The following ARHGAP22 variants were observed in gnomAD, a reference collection of about 807,000 sequenced individuals.
ARHGAP22 encodes the protein Rho GTPase activating protein 22.
Under a neutral mutation model 59.1 loss-of-function variants are expected in ARHGAP22, and 48 were observed. The observed-to-expected ratio is 0.81, with a 90% CI of 0.64 to 1.03. ARHGAP22 has a LOEUF of 1.03. ARHGAP22 is among the 50% of genes least tolerant of loss of function. ARHGAP22 has a pLI of 0.00. For missense variants in ARHGAP22, 1,015 were observed against 958.7 expected, an observed-to-expected ratio of 1.06 and a Z score of -0.78; for synonymous variants, 445 against 416.4, an observed-to-expected ratio of 1.07 and a Z score of -0.84.
the ARHGAP22 span, chr10:48,437,099 GTATCATT>G: frequency 6.6e-6 from 1 of 152,190 alleles, no homozygotes; most frequent in East Asian, 1.9e-4. Flanking sequence ...GTGTGTGTCT[GTATCATT>G]TATTGTAAAT....
At chr10:48,439,655 T>C in the ARHGAP22 span, among the ~76,000 whole-genome samples, 2 of 152,164 alleles carry the variant, frequency 1.3e-5, no homozygotes, top group African/African-American at 4.8e-5. Flanking sequence ...CGTGACCACT[T>C]GGCAAAAATA....
intron 3 of ARHGAP22, among the ~76,000 whole-genome samples, chr10:48,482,240 A>G (rs984678435): frequency 1.4e-4 from 22 of 152,366 alleles, no homozygotes; most frequent in African/African-American, 4.8e-4. Context: ...TCACAGTTTT[A>G]GGATTTACAT....
chr10:48,523,289 A>G (rs932639995), intron 3 of ARHGAP22, among the ~76,000 whole-genome samples: 8 of 152,200 alleles, frequency 5.3e-5, no homozygotes, highest in African/African-American at 1.9e-4. Flanking sequence ...CATGCTTAAT[A>G]AGCGCGGCAG....
At chr10:48,465,544 C>T (rs1040484662) in intron 4 of ARHGAP22, among the ~76,000 whole-genome samples, 4 of 152,236 alleles carry the variant, frequency 2.6e-5, no homozygotes, top group African/African-American at 9.6e-5. Context: ...TTTCTCCGGA[C>T]CTTGCAGGGT....
At chr10:48,431,615 A>T in the ARHGAP22 span, among the ~76,000 whole-genome samples, 1 of 152,192 alleles carries the variant, frequency 6.6e-6, no homozygotes, top group South Asian at 2.1e-4. Context: ...GGATAAATAA[A>T]AGCTTCACTG....
intron 1 of ARHGAP22, among the ~76,000 whole-genome samples, chr10:48,616,432 A>G (rs972039249): frequency 2.0e-5 from 3 of 152,160 alleles, no homozygotes; most frequent in African/African-American, 7.2e-5. Context: ...AGAATATTTC[A>G]AGGAATAATG....
At chr10:48,567,567 C>T (rs2058125257) in intron 2 of ARHGAP22, among the ~76,000 whole-genome samples, 1 of 152,194 alleles carries the variant, frequency 6.6e-6, no homozygotes, top group South Asian at 2.1e-4. Context: ...TTTTACAACA[C>T]ATTTGGGGCA....
At chr10:48,599,434 A>G (rs1341226448) in intron 1 of ARHGAP22, among the ~76,000 whole-genome samples, 3 of 152,206 alleles carry the variant, frequency 2.0e-5, no homozygotes, top group Non-Finnish European at 4.4e-5. Context: ...ATTATTAAGC[A>G]CTTGGTAAGT....
intron 1 of ARHGAP22, among the ~76,000 whole-genome samples, chr10:48,644,621 C>A (rs1020067566): frequency 6.6e-6 from 1 of 152,068 alleles, no homozygotes; most frequent in Non-Finnish European, 1.5e-5. Context: ...CAACAGAAAG[C>A]GATTTTGGAA....
intron 1 of ARHGAP22, among the ~76,000 whole-genome samples, chr10:48,623,492 T>C (rs942405468): frequency 6.6e-6 from 1 of 152,202 alleles, no homozygotes; most frequent in Admixed American, 6.5e-5. Flanking sequence ...AGGGCATACT[T>C]GCAATGGTGC....
chr10:48,482,898 G>A (rs977162024), intron 3 of ARHGAP22, among the ~76,000 whole-genome samples: 1 of 151,952 alleles, frequency 6.6e-6, no homozygotes, highest in Non-Finnish European at 1.5e-5. Context: ...AACTCTATGT[G>A]TGTACCCATT....
intron 4 of ARHGAP22, among the ~76,000 whole-genome samples, chr10:48,460,809 A>G (rs551543559): frequency 6.6e-6 from 1 of 152,330 alleles, no homozygotes; most frequent in South Asian, 2.1e-4. Context: ...AATTCCCTTA[A>G]AAAGGAGGGA....
chr10:48,484,347 C>T (rs1016585854), intron 3 of ARHGAP22, among the ~76,000 whole-genome samples: 7 of 152,194 alleles, frequency 4.6e-5, no homozygotes, highest in African/African-American at 7.2e-5. Flanking sequence ...GGAGAAATCC[C>T]GCTTGGTAAT....
intron 3 of ARHGAP22, among the ~76,000 whole-genome samples, chr10:48,517,269 T>C (rs1198292575): frequency 6.6e-6 from 1 of 152,160 alleles, no homozygotes; most frequent in African/African-American, 2.4e-5. Flanking sequence ...TACACCTCAA[T>C]ACAGCTGTTT....
In ARHGAP22 at chr10:48,459,747, T is replaced by C. The variant is rs762731768; in HGVS notation, c.596A>G (p.Gln199Arg). 57 of 1,613,894 alleles carry C rather than the reference T, an allele frequency of 3.5e-5. No homozygotes were observed. The highest frequency in any genetic ancestry group is 4.6e-5 in the Non-Finnish European group (54 of 1,179,926). ...CTGCAGGTCCCTCACCAGGTTGGCC[T>C]GGCCTGGCATGCGGAACAGCCCCTC... is the stretch of plus-strand genomic sequence containing the variant. ...TEEGLFRMPG[Q>R]ANLVRDLQDS... is the part of the protein sequence containing the mutation. The change falls in exon 5 of 10, where the codon CAG becomes CGG. Residue 199 changes from glutamine (Q) to arginine (R), a missense_variant. Coordinates refer to ENST00000249601, the MANE Select transcript of ARHGAP22 (RefSeq NM_021226.4).
At chr10:48,558,115 C>T (rs935151216) in intron 2 of ARHGAP22, among the ~76,000 whole-genome samples, 2 of 152,070 alleles carry the variant, frequency 1.3e-5, no homozygotes, top group Admixed American at 1.3e-4. Flanking sequence ...TATAAATGCC[C>T]TCCCCCTCCA....
Position 48,446,158 on chromosome 10 carries a change from G to A in ARHGAP22, c.*233C>T, listed in dbSNP as rs2045334193. The stretch of plus-strand genomic sequence containing the variant: ...TGGGTAAGGGCTAAGCGCTACTCTT[G>A]GTACCGTCCCCTTCTGACCCTCACC... On this transcript the variant is annotated 3_prime_UTR_variant, in exon 10 of 10. Transcript: ENST00000249601. 1.7e-6 allele frequency: 1 copy of A among 577,852 alleles called. No individual in the cohort carries two copies. Among genetic ancestry groups the A allele is most frequent in the Non-Finnish European group, 3.1e-6 (1 of 326,940 alleles). 35.8% of individuals were successfully genotyped at this position (577,852 alleles called of 1,614,324 possible).
At chr10:48,453,005 C>T (rs2046133197) in intron 8 of ARHGAP22, among the ~76,000 whole-genome samples, 1 of 152,216 alleles carries the variant, frequency 6.6e-6, no homozygotes, top group Admixed American at 6.5e-5. Context: ...CTGACCTCTC[C>T]CATCCCTCCA....
intron 3 of ARHGAP22, chr10:48,523,910 G>T: frequency 1.8e-6 from 1 of 566,494 alleles, no homozygotes; most frequent in South Asian, 5.2e-5. Context: ...AGACTCAGAG[G>T]AGCAGCAGCC....
Sources: allele counts gnomAD v4.1 joint callset (sites outside exome capture counted in the v4.1 genomes callset), GRCh38; gene constraint gnomAD v4.1.1; transcripts MANE v1.5; gene names NCBI Gene and HGNC (gene_info 2026-07-23, HGNC 2026-07-21).